Variants in PCDHGA5 observed in about 807,000 individuals in gnomAD.
PCDHGA5 encodes the protein protocadherin gamma subfamily A, 5.
Under a neutral mutation model 56.7 loss-of-function variants are expected in PCDHGA5, and 36 were observed. That is an observed-to-expected ratio of 0.64 (90% CI 0.49 to 0.84). The LOEUF (loss-of-function observed/expected upper bound fraction) is 0.84. Ranked by LOEUF, PCDHGA5 falls within the 40% of genes least tolerant of loss-of-function variation. PCDHGA5 has a pLI of 0.00. For missense variants in PCDHGA5, 1,305 were observed against 1,201.5 expected, an observed-to-expected ratio of 1.09 and a Z score of -1.27; for synonymous variants, 563 against 520.2, an observed-to-expected ratio of 1.08 and a Z score of -1.12.
chr5:141,456,872 A>C (rs1003618586), intron 1 of PCDHGA5, among the ~76,000 whole-genome samples: 2 of 152,152 alleles, frequency 1.3e-5, no homozygotes, highest in African/African-American at 4.8e-5. Context: ...CTGAGGCAGG[A>C]GAATCGCTTG....
intron 1 of PCDHGA5, chr5:141,399,694 A>G (rs1467163302): frequency 1.9e-6 from 3 of 1,613,454 alleles, no homozygotes; most frequent in Admixed American, 1.7e-5. Flanking sequence ...GCAGCTGCGC[A>G]CCTTCGAACT....
chr5:141,395,264 A>C (rs2093207486), intron 1 of PCDHGA5: 1 of 1,549,832 alleles, frequency 6.5e-7, no homozygotes, highest in Non-Finnish European at 8.7e-7. Context: ...GCTTGCTTTT[A>C]ATTTCCAGAT....
chr5:141,371,161 C>T, intron 1 of PCDHGA5: 1 of 1,614,006 alleles, frequency 6.2e-7, no homozygotes, highest in South Asian at 1.1e-5. Context: ...GAGAACCTGC[C>T]CGCTGGCTCC....
At position 141,376,680 on chromosome 5, in the gene PCDHGA5, T is replaced by G. The variant is rs554753091; in HGVS notation, c.2421+9929T>G. 2,414 of 666,784 alleles carry G rather than the reference T, an allele frequency of 3.6e-3. 9 individuals carry two copies. The highest frequency in any genetic ancestry group is 3.7e-3 in the Non-Finnish European group (1,658 of 442,514). 41.3% of individuals were successfully genotyped at this position (666,784 alleles called of 1,614,324 possible). A position where few individuals can be genotyped will look rare whatever the true frequency, so the allele number is the denominator to read the frequency against. ...CCTTGTTCAGGTGAGGGTATCGTTT[T>G]TTTTTTTTTTTTTTTTTGAGACGGA... On this transcript the variant is annotated intron_variant, in intron 1 of 3. Coordinates refer to ENST00000518069, the MANE Select transcript of PCDHGA5 (RefSeq NM_018918.3).
intron 1 of PCDHGA5, among the ~76,000 whole-genome samples, chr5:141,456,876 T>C (rs188356008): frequency 1.5e-3 from 222 of 152,196 alleles, no homozygotes; most frequent in African/African-American, 5.2e-3. Flanking sequence ...GGCAGGAGAA[T>C]CGCTTGAACC....
At chr5:141,418,535 G>GC in intron 1 of PCDHGA5, 1 of 1,614,002 alleles carries the variant, frequency 6.2e-7, no homozygotes, top group Non-Finnish European at 8.5e-7. Context: ...AAGCGGTACT[G>GC]CTCAGATAAG....
At chr5:141,374,608 T>A in intron 1 of PCDHGA5, 1 of 1,613,602 alleles carries the variant, frequency 6.2e-7, no homozygotes, top group South Asian at 1.1e-5. Context: ...TCAGTGGTAA[T>A]AGTCACTTCT....
intron 1 of PCDHGA5, among the ~76,000 whole-genome samples, chr5:141,482,141 A>C (rs1302783884): frequency 6.6e-6 from 1 of 152,116 alleles, no homozygotes; most frequent in African/African-American, 2.4e-5. Flanking sequence ...GCTGGCATAA[A>C]AAGGTCAAGT....
intron 1 of PCDHGA5, among the ~76,000 whole-genome samples, chr5:141,401,116 G>A (rs763920346): frequency 1.3e-5 from 2 of 152,036 alleles, no homozygotes; most frequent in African/African-American, 2.4e-5. Flanking sequence ...GGCCGAGGCG[G>A]TTGGATCACA....
intron 1 of PCDHGA5, chr5:141,383,678 G>C: frequency 1.2e-6 from 2 of 1,614,036 alleles, no homozygotes; most frequent in East Asian, 4.5e-5. Flanking sequence ...GTGGGTACAA[G>C]ACTGCTCACG....
At chr5:141,384,244 C>T in intron 1 of PCDHGA5, 1 of 1,613,828 alleles carries the variant, frequency 6.2e-7, no homozygotes, top group Middle Eastern at 1.6e-4. Flanking sequence ...CAACGATAAC[C>T]CACCCACCTT....
intron 1 of PCDHGA5, among the ~76,000 whole-genome samples, chr5:141,439,168 G>C (rs2098092980): frequency 6.6e-6 from 1 of 150,792 alleles, no homozygotes; most frequent in Non-Finnish European, 1.5e-5. Context: ...ACTCCAGCCT[G>C]GGCGACATAG....
At chr5:141,459,315 T>C (rs2154566534) in intron 1 of PCDHGA5, among the ~76,000 whole-genome samples, 1 of 152,362 alleles carries the variant, frequency 6.6e-6, no homozygotes, top group East Asian at 1.9e-4. Context: ...CTATTTTGTA[T>C]CCATCTTCTT....
intron 3 of PCDHGA5, among the ~76,000 whole-genome samples, chr5:141,510,117 T>C (rs1205620535): frequency 6.6e-6 from 1 of 151,908 alleles, no homozygotes; most frequent in East Asian, 1.9e-4. Context: ...TGTTTTGAAA[T>C]ACAAAAATTA....
chr5:141,394,427 G>A (rs748527281), intron 1 of PCDHGA5: 23 of 1,614,228 alleles, frequency 1.4e-5, no homozygotes, highest in Non-Finnish European at 1.6e-5. Flanking sequence ...GCGACAGCGG[G>A]GACCCGCCCC....
In PCDHGA5 at chr5:141,375,798, C is replaced by T. The variant is rs368947176; in HGVS notation, c.2421+9047C>T. On this transcript the variant is annotated intron_variant, in intron 1 of 3. Coordinates refer to ENST00000518069, the MANE Select transcript of PCDHGA5 (RefSeq NM_018918.3). ...TACCCCGCCCTCCCCACAGACGGTT[C>T]CACTGGCGTGGAGCTGGCGCCCCGC... 11 of 1,614,124 alleles carry T rather than the reference C, an allele frequency of 6.8e-6. No individual in the cohort carries two copies. The African/African-American group carries it at 1.1e-4, about 16-fold the overall frequency.
At position 141,366,358 on chromosome 5, in the gene PCDHGA5, C is replaced by T. The variant is rs746214325; in HGVS notation, c.2028C>T (p.Gly676=). 6.2e-7 allele frequency: 1 copy of T among 1,614,016 alleles called. No homozygotes were observed. Among genetic ancestry groups the T allele is most frequent in the South Asian group, 1.1e-5 (1 of 91,092 alleles). ...TCCCTGACATCCTGGCTGACCTAGGCAGTATCAAGACCCCCATTGACCCTG... is the reference window on the plus strand; with the variant it reads ...TCCCTGACATCCTGGCTGACCTAGGTAGTATCAAGACCCCCATTGACCCTG... ...DRIPDILADL[G]SIKTPIDPED... is the part of the protein sequence containing the mutation. The change falls in exon 1 of 4, where the codon GGC becomes GGT. Residue 676 remains glycine, a synonymous_variant. Transcript: ENST00000518069.
chr5:141,412,893 A>C (rs1190008207), intron 1 of PCDHGA5: 6 of 340,884 alleles, frequency 1.8e-5, no homozygotes, highest in Non-Finnish European at 2.6e-5. Flanking sequence ...AGAATAGTTT[A>C]CTTTCCATTG....
At position 141,487,557 on chromosome 5, in the gene PCDHGA5, T is replaced by C. The variant is rs751511771; in HGVS notation, c.2422-7250T>C. On this transcript the variant is annotated intron_variant, in intron 1 of 3. Coordinates refer to ENST00000518069, the MANE Select transcript of PCDHGA5 (RefSeq NM_018918.3). The surrounding 1 kb of genome is among the most constrained non-coding windows in gnomAD (Gnocchi z 5.0). The stretch of plus-strand genomic sequence containing the variant: ...ATGGTGAAGTCACCCAGTGCACCTA[T>C]GGCAGGGGAGCCTGTTCGCCCAAGC... The C allele has an allele frequency of 1.9e-5, 31 of 1,614,060 alleles. No homozygotes were observed. In the East Asian group the frequency reaches 4.2e-4, roughly 22 times the overall value.
Sources: allele counts gnomAD v4.1 joint callset (sites outside exome capture counted in the v4.1 genomes callset), GRCh38; gene constraint gnomAD v4.1.1; non-coding constraint Gnocchi (gnomAD v3.1); transcripts MANE v1.5; gene names NCBI Gene and HGNC (gene_info 2026-07-23, HGNC 2026-07-21).